LRP8: variants seen among roughly 807,000 people sequenced by gnomAD.
LRP8 encodes LDL receptor related protein 8, also known as low-density lipoprotein receptor-related protein 8.
LRP8 carries 46 observed loss-of-function variants against 111.6 expected under a neutral mutation model. The ratio of observed to expected loss-of-function variants is 0.41; its 90% CI spans 0.33 to 0.53. LRP8 has a LOEUF of 0.53. Among genes scored for constraint, LRP8 ranks in the 20% least tolerant of loss-of-function variants. The pLI is 0.20. For synonymous variants in LRP8, 464 were observed against 511.2 expected (o/e 0.91, Z 1.24); for missense variants, 959 against 1,297.4 (o/e 0.74, Z 4.01).
intron 2 of LRP8, among the ~76,000 whole-genome samples, chr1:53,315,972 G>A (rs1244267791): frequency 1.3e-5 from 2 of 151,978 alleles, no homozygotes; most frequent in Non-Finnish European, 2.9e-5. Context: ...TGGTGGGGGA[G>A]GTGGCAGAGA....
intron 1 of LRP8, chr1:53,327,197 AC>A: frequency 3.2e-6 from 2 of 633,926 alleles, no homozygotes; most frequent in Non-Finnish European, 5.4e-6. Flanking sequence ...GCACGGCGAG[AC>A]CAGGCACCTA....
At chr1:53,247,838 A>AGT (rs1645775893) in intron 18 of LRP8, among the ~76,000 whole-genome samples, 1 of 152,148 alleles carries the variant, frequency 6.6e-6, no homozygotes, top group African/African-American at 2.4e-5. Flanking sequence ...GTTCATTCTG[A>AGT]GTGTTTTCTT....
intron 3 of LRP8, among the ~76,000 whole-genome samples, chr1:53,281,454 G>A (rs12402104): frequency 0.32 from 48,289 of 152,166 alleles, 8,670 homozygotes; most frequent in East Asian, 0.42. Flanking sequence ...GCTCAGCCAA[G>A]GCAGATGCAT....
At position 53,246,791 on chromosome 1, in the gene LRP8, A is replaced by G; in HGVS notation, c.*227T>C. 1 of 520,848 alleles carries G rather than the reference A, an allele frequency of 1.9e-6. No individual in the cohort carries two copies. Among genetic ancestry groups the G allele is most frequent in the Non-Finnish European group, 3.3e-6 (1 of 299,656 alleles). The allele number at this position is 520,848 out of a possible 1,614,324, so 32.3% of individuals were successfully genotyped here. On this transcript the variant is annotated 3_prime_UTR_variant, in exon 19 of 19. Transcript: ENST00000306052. The stretch of plus-strand genomic sequence containing the variant: ...TCATGGGTAGTGCAACCAGTTAAAA[A>G]GTGTATAAAACATTATACATAGAAA...
chr1:53,289,155 G>A (rs1189596135), intron 3 of LRP8, among the ~76,000 whole-genome samples: 1 of 152,350 alleles, frequency 6.6e-6, no homozygotes, highest in Non-Finnish European at 1.5e-5. Flanking sequence ...TCATGAGGCT[G>A]CTGTGGTTAT....
Position 53,277,028 on chromosome 1 carries a change from C to T in LRP8, c.547G>A (p.Val183Met), listed in dbSNP as rs1327359298. The change falls in exon 5 of 19, where the codon GTG (valine) becomes ATG (methionine). Residue 183 changes from valine (V) to methionine (M), a missense_variant. Coordinates refer to ENST00000306052, the MANE Select transcript of LRP8 (RefSeq NM_004631.5). Reference protein sequence around the residue: ...QCGNRSCLAAVFVCDGDDDCG... With the variant: ...QCGNRSCLAAMFVCDGDDDCG... Reference sequence around the variant, plus strand: ...TCGTCGTCGCCGTCGCACACGAACACGGCGGCCAGGCACGAGCGGTTGCCG... The same window carrying T: ...TCGTCGTCGCCGTCGCACACGAACATGGCGGCCAGGCACGAGCGGTTGCCG... 4.6e-6 allele frequency: 7 copies of T among 1,522,076 alleles called. No homozygotes were observed. In the South Asian group the frequency reaches 6.0e-5, roughly 13 times the overall value. The allele number at this position is 1,522,076 out of a possible 1,614,324, so 94.3% of individuals were successfully genotyped here. A position where few individuals can be genotyped will look rare whatever the true frequency, so the allele number is the denominator to read the frequency against.
chr1:53,256,346 C>A (rs1646087138), intron 15 of LRP8, among the ~76,000 whole-genome samples: 1 of 152,244 alleles, frequency 6.6e-6, no homozygotes, highest in Non-Finnish European at 1.5e-5. Flanking sequence ...TGCTCTGGGC[C>A]ACAGCGAACA....
intron 12 of LRP8, among the ~76,000 whole-genome samples, chr1:53,261,107 A>G (rs1572457848): frequency 1.3e-5 from 2 of 152,196 alleles, no homozygotes; most frequent in South Asian, 4.1e-4. Flanking sequence ...AGATCTAAAC[A>G]CATACCCAAA....
At chr1:53,296,291 A>G (rs1409608545) in intron 2 of LRP8, among the ~76,000 whole-genome samples, 1 of 152,210 alleles carries the variant, frequency 6.6e-6, no homozygotes, top group African/African-American at 2.4e-5. Context: ...GTTGTTCAGC[A>G]AGCTGGGGCA....
intron 2 of LRP8, among the ~76,000 whole-genome samples, chr1:53,306,832 G>A (rs1250011021): frequency 1.4e-4 from 22 of 152,174 alleles, no homozygotes; most frequent in Admixed American, 1.4e-3. Context: ...GCCATCTCTG[G>A]GCCAGGCCCT....
At chr1:53,292,579 G>T (rs370678910) in intron 2 of LRP8, among the ~76,000 whole-genome samples, 1 of 152,176 alleles carries the variant, frequency 6.6e-6, no homozygotes, top group Non-Finnish European at 1.5e-5. Context: ...GAACACCAGT[G>T]GTTTTCCCCC....
chr1:53,251,842 G>A (rs528957094), intron 16 of LRP8, among the ~76,000 whole-genome samples: 3 of 151,362 alleles, frequency 2.0e-5, no homozygotes, highest in South Asian at 2.1e-4. Context: ...CCAGGAGTTC[G>A]AGACCAGCCT....
At position 53,311,595 on chromosome 1, in the gene LRP8, C is replaced by A. The variant is rs183426841; in HGVS notation, c.244+15278G>T. On this transcript the variant is annotated intron_variant, in intron 2 of 18. Transcript: ENST00000306052. ...GCGATACTGCGTGGACCCTCCCTGC[C>A]CCCAGCCTCCCCAGTGTGCTCCCCA... Among the ~76,000 whole-genome samples the A allele has an allele frequency of 2.0e-3, 286 of 144,244 alleles. 1 individual carries two copies. The highest frequency in any genetic ancestry group is 8.3e-3 in the African/African-American group (281 of 33,726). 94.6% of individuals were successfully genotyped at this position (144,244 alleles called of 152,430 possible).
rs1557759999 is a variant in LRP8, at chr1:53,260,527, G to A, written c.1993C>T (p.Leu665=). 2 of 1,614,200 alleles carry A rather than the reference G, an allele frequency of 1.2e-6. No homozygotes were observed. The highest frequency in any genetic ancestry group is 1.7e-6 in the Non-Finnish European group (2 of 1,180,030). The change falls in exon 13 of 19, where the codon CTG becomes TTG. Residue 665 remains leucine, a synonymous_variant. Coordinates refer to ENST00000306052, the MANE Select transcript of LRP8 (RefSeq NM_004631.5). The part of the protein sequence containing the change: ...NRLNGLEISI[L]AENLNNPHDI... ...TGTGGGTTGTTGAGGTTCTCAGCCA[G>A]GATGGAGATTTCCAGGCCATTGAGC...
At chr1:53,248,651 A>T (rs1645799960) in intron 18 of LRP8, among the ~76,000 whole-genome samples, 2 of 152,200 alleles carry the variant, frequency 1.3e-5, no homozygotes, top group South Asian at 4.1e-4. Context: ...TAAATGAGAA[A>T]ATATATGTAA....
chr1:53,327,463 G>A, intron 1 of LRP8: 1 of 270,808 alleles, frequency 3.7e-6, no homozygotes, highest in Non-Finnish European at 6.9e-6. Flanking sequence ...CGGAGCGCGC[G>A]TGTCAAATAA....
rs746398704 is a variant in LRP8, at chr1:53,275,632, C to T, written c.1005G>A (p.Gln335=). The stretch of plus-strand genomic sequence containing the variant: ...GTTCTGTGCCCTGACCACACGCACC[C>T]TGTAGGCAGCCAGCTTCATCACTCC... ...PDGSDEAGCL[Q]GLNECLHNNG... is the part of the protein sequence containing the mutation. The change falls in exon 6 of 19, where the codon CAG becomes CAA. Residue 335 remains glutamine (Q), a splice_region_variant and synonymous_variant. Transcript: ENST00000306052. The surrounding 1 kb of genome is among the most constrained non-coding windows in gnomAD (Gnocchi z 4.4). 6.2e-7 allele frequency: 1 copy of T among 1,613,962 alleles called. No individual in the cohort carries two copies.
chr1:53,309,740 G>A (rs564117570), intron 2 of LRP8, among the ~76,000 whole-genome samples: 1 of 152,292 alleles, frequency 6.6e-6, no homozygotes, highest in South Asian at 2.1e-4. Flanking sequence ...AGATAAAGGT[G>A]GTGAAAGCTG....
Position 53,317,626 on chromosome 1 carries a change from T to C in LRP8, c.244+9247A>G, listed in dbSNP as rs1653975668. Among the ~76,000 whole-genome samples, 1 of 152,206 alleles carries C rather than the reference T, an allele frequency of 6.6e-6. No homozygotes were observed. Among genetic ancestry groups the C allele is most frequent in the South Asian group, 2.1e-4 (1 of 4,832 alleles). Reference sequence around the variant, plus strand: ...GTTCCTTTTACTCAGCCATTCCCTGTGCAGGAATCACAGGCTCAGGAAGGG... The same window carrying C: ...GTTCCTTTTACTCAGCCATTCCCTGCGCAGGAATCACAGGCTCAGGAAGGG... On this transcript the variant is annotated intron_variant, in intron 2 of 18. Coordinates refer to ENST00000306052, the MANE Select transcript of LRP8 (RefSeq NM_004631.5). This position sits in a 1 kb window ranked among gnomAD's most constrained non-coding sequence, Gnocchi z 4.9.
Sources: allele counts gnomAD v4.1 joint callset (sites outside exome capture counted in the v4.1 genomes callset), GRCh38; gene constraint gnomAD v4.1.1; non-coding constraint Gnocchi (gnomAD v3.1); transcripts MANE v1.5; gene names NCBI Gene and HGNC (gene_info 2026-07-23, HGNC 2026-07-21).